The following OLFM1 variants were observed in gnomAD, a reference collection of about 807,000 sequenced individuals.
The protein encoded by OLFM1 is olfactomedin 1, also known as noelin.
A neutral mutation model predicts 49.7 loss-of-function variants in OLFM1; 9 were observed. That is an observed-to-expected ratio of 0.18 (90% CI 0.11 to 0.32). The LOEUF is 0.32. Among genes scored for constraint, OLFM1 ranks in the 10% least tolerant of loss-of-function variants. The pLI, the probability that OLFM1 is intolerant of heterozygous loss-of-function variation, is 1.00. For synonymous variants in OLFM1, 240 were observed against 271.8 expected, an observed-to-expected ratio of 0.88 and a Z score of 1.15; for missense variants, 369 against 661.8, an observed-to-expected ratio of 0.56 and a Z score of 4.85.
rs1229629247 is a variant in OLFM1 at position 135,113,836 on chromosome 9, C to T, written c.784-5668C>T. On this transcript the variant is annotated intron_variant, in intron 5 of 5. Coordinates refer to ENST00000371793, the MANE Select transcript of OLFM1 (RefSeq NM_001282611.2). The surrounding 1 kb of genome is among the most constrained non-coding windows in gnomAD (Gnocchi z 4.0). Reference sequence around the variant, plus strand: ...TGCCCTGTGGCTGCTGCAGGAGCTCCCACAGCCTGGGGGGCACCACAGGGG... The same window carrying T: ...TGCCCTGTGGCTGCTGCAGGAGCTCTCACAGCCTGGGGGGCACCACAGGGG... Among the ~76,000 whole-genome samples the T allele has an allele frequency of 6.6e-6, 1 of 152,214 alleles. No homozygotes were observed. Among genetic ancestry groups the T allele is most frequent in the African/African-American group, 2.4e-5 (1 of 41,470 alleles).
intron 4 of OLFM1, among the ~76,000 whole-genome samples, chr9:135,101,704 GC>G (rs1426591366): frequency 1.3e-5 from 2 of 152,322 alleles, no homozygotes; most frequent in East Asian, 3.9e-4. Context: ...TGGGCGTGGG[GC>G]CCTCTCTCCA....
At chr9:135,111,034 A>G (rs1338976532) in intron 5 of OLFM1, among the ~76,000 whole-genome samples, 1 of 152,180 alleles carries the variant, frequency 6.6e-6, no homozygotes, top group Non-Finnish European at 1.5e-5. Context: ...GGCCCTCTTC[A>G]CTGGGAAGCT....
intron 5 of OLFM1, among the ~76,000 whole-genome samples, chr9:135,114,474 C>T (rs1247192459): frequency 6.6e-6 from 1 of 152,074 alleles, no homozygotes; most frequent in Non-Finnish European, 1.5e-5. Context: ...TTTGCAGGTC[C>T]CAGGATGTGG....
chr9:135,116,618 T>C (rs1401953334), intron 5 of OLFM1, among the ~76,000 whole-genome samples: 1 of 152,010 alleles, frequency 6.6e-6, no homozygotes, highest in Non-Finnish European at 1.5e-5. Context: ...GCAGGGGTGG[T>C]TCCCCTCCAG....
upstream of OLFM1, among the ~76,000 whole-genome samples, chr9:135,083,398 G>C (rs1303632379): frequency 6.6e-6 from 1 of 152,188 alleles, no homozygotes; most frequent in Non-Finnish European, 1.5e-5. Context: ...AAGGGTCTGG[G>C]GGGATGGGGG....
chr9:135,090,642 GTCACCAC>G (rs1830673071), intron 2 of OLFM1, among the ~76,000 whole-genome samples: 1 of 151,962 alleles, frequency 6.6e-6, no homozygotes, highest in South Asian at 2.1e-4. Context: ...CCTGCCCCCT[GTCACCAC>G]AGGCTCCACT....
chr9:135,105,265 G>A (rs1484597146), intron 4 of OLFM1, among the ~76,000 whole-genome samples: 1 of 152,250 alleles, frequency 6.6e-6, no homozygotes, highest in Non-Finnish European at 1.5e-5. Flanking sequence ...GCGGCAGCCC[G>A]GGAGCCAGGT....
intron 5 of OLFM1, among the ~76,000 whole-genome samples, chr9:135,115,020 T>C (rs1004609776): frequency 2.0e-5 from 3 of 152,158 alleles, no homozygotes; most frequent in Non-Finnish European, 4.4e-5. Flanking sequence ...AACAGCAAGC[T>C]TCTCCCTGCA....
chr9:135,119,315 C>T (rs996439893), intron 5 of OLFM1, among the ~76,000 whole-genome samples, 189 bp from the exon 6 acceptor site: 3 of 137,734 alleles, frequency 2.2e-5, no homozygotes, highest in Admixed American at 7.1e-5. Context: ...TTGGAGTACT[C>T]ACTGGATCTT....
chr9:135,100,712 C>T (rs1403314411), intron 4 of OLFM1, among the ~76,000 whole-genome samples: 1 of 152,212 alleles, frequency 6.6e-6, no homozygotes, highest in African/African-American at 2.4e-5. Flanking sequence ...TTTCCCCTCT[C>T]GAGTTTCAGC....
At chr9:135,091,155 C>G (rs1397809502) in intron 2 of OLFM1, among the ~76,000 whole-genome samples, 29 of 152,228 alleles carry the variant, frequency 1.9e-4, no homozygotes, top group Non-Finnish European at 1.5e-5. Flanking sequence ...GGTTCAGTCT[C>G]CTCCACTCCC....
At chr9:135,076,674 T>C in intron 1 of OLFM1, 1 of 1,307,052 alleles carries the variant, frequency 7.7e-7, no homozygotes. Context: ...ATGATGCCAC[T>C]GTGCCACGCT....
chr9:135,091,684 GTC>G (rs1239628967), intron 2 of OLFM1, among the ~76,000 whole-genome samples: 1 of 19,484 alleles, frequency 5.1e-5, no homozygotes, highest in African/African-American at 3.0e-4. Flanking sequence ...CTCACACATA[GTC>G]TCACACACAC....
At chr9:135,094,917 T>C (rs1011966430) in intron 2 of OLFM1, 1 of 152,178 alleles carries the variant, frequency 6.6e-6, no homozygotes, top group Non-Finnish European at 1.5e-5. Flanking sequence ...TAACTTCCTC[T>C]CTAGTAATTG....
intron 1 of OLFM1, among the ~76,000 whole-genome samples, chr9:135,089,982 TC>T (rs1830657786): frequency 6.6e-6 from 1 of 152,174 alleles, no homozygotes; most frequent in African/African-American, 2.4e-5. Flanking sequence ...TTGACATCCT[TC>T]CAGCCCTGAG....
At chr9:135,082,401 T>C (rs906317554) in intron 1 of OLFM1, among the ~76,000 whole-genome samples, 1 of 96,604 alleles carries the variant, frequency 1.0e-5, no homozygotes, top group African/African-American at 3.6e-5. Flanking sequence ...ATGGCTCTCC[T>C]GAGTGGTGCT....
At position 135,091,813 on chromosome 9, in the gene OLFM1, A is replaced by AG. The variant is rs1491293482; in HGVS notation, c.300+1469_300+1470insG. ...TAGTCACACAGTCACACACACTCAC[A>AG]TAGTCACACACACTCACAGTCACAC... On this transcript the variant is annotated intron_variant, in intron 2 of 5. Transcript: ENST00000371793. Among the ~76,000 whole-genome samples the AG allele has an allele frequency of 1.1e-3, 168 of 147,464 alleles. 1 individual carries two copies. Among genetic ancestry groups the AG allele is most frequent in the African/African-American group, 4.0e-3 (157 of 39,488 alleles).
At position 135,113,117 on chromosome 9, in the gene OLFM1, TG is replaced by T. The variant is rs1831046334; in HGVS notation, c.783+6263del. 6.6e-6 allele frequency among the ~76,000 whole-genome samples: 1 copy of T among 152,146 alleles called. No individual in the cohort carries two copies. Among genetic ancestry groups the T allele is most frequent in the Non-Finnish European group, 1.5e-5 (1 of 68,012 alleles). ...GTGGCAGCTGGCACAGCTGGCCATGTGACCCTGAGAGAGGCCTTCCTTCTCT... is the reference window on the plus strand; with the variant it reads ...GTGGCAGCTGGCACAGCTGGCCATGTACCCTGAGAGAGGCCTTCCTTCTCT... On this transcript the variant is annotated intron_variant, in intron 5 of 5. Transcript: ENST00000371793. The surrounding 1 kb of genome is among the most constrained non-coding windows in gnomAD (Gnocchi z 4.0).
At position 135,120,428 on chromosome 9, in the gene OLFM1, C is replaced by T. The variant is rs971027598; in HGVS notation, c.*250C>T. 32 of 545,024 alleles carry T rather than the reference C, an allele frequency of 5.9e-5. No individual in the cohort carries two copies. In the East Asian group the frequency reaches 7.6e-4, roughly 13 times the overall value. 33.8% of individuals were successfully genotyped at this position (545,024 alleles called of 1,614,324 possible). On this transcript the variant is annotated 3_prime_UTR_variant, in exon 6 of 6. Transcript: ENST00000371793. ...CCCACGGCGCCCCGGTTTTCCTCCC[C>T]GCCCTGTCCCTCTCTGGTCAAACAA...
Sources: allele counts gnomAD v4.1 joint callset (sites outside exome capture counted in the v4.1 genomes callset), GRCh38; gene constraint gnomAD v4.1.1; non-coding constraint Gnocchi (gnomAD v3.1); transcripts MANE v1.5; gene names NCBI Gene and HGNC (gene_info 2026-07-23, HGNC 2026-07-21).